The following UCHL5 variants were observed in gnomAD, a reference collection of about 807,000 sequenced individuals.
UCHL5 encodes ubiquitin carboxyl-terminal hydrolase isozyme L5.
A neutral mutation model predicts 53.8 loss-of-function variants in UCHL5; 34 were observed. That is an observed-to-expected ratio of 0.63 (90% CI 0.48 to 0.84). The LOEUF (loss-of-function observed/expected upper bound fraction) is 0.84. UCHL5 is among the 40% of genes least tolerant of loss of function. UCHL5 has a pLI of 0.00. For synonymous variants in UCHL5, 111 were observed against 126.3 expected, an observed-to-expected ratio of 0.88 and a Z score of 0.81; for missense variants, 290 against 385.6, an observed-to-expected ratio of 0.75 and a Z score of 2.08.
chr1:193,040,714 TAATAATAGCCAA>T (rs1208189301), intron 3 of UCHL5, among the ~76,000 whole-genome samples: 3 of 152,076 alleles, frequency 2.0e-5, no homozygotes, highest in Non-Finnish European at 2.9e-5. Flanking sequence ...ATGGCACTAT[TAATAATAGCCAA>T]AATATATAAT....
chr1:193,034,732 AG>A (rs1662744920), intron 3 of UCHL5, among the ~76,000 whole-genome samples: 1 of 152,154 alleles, frequency 6.6e-6, no homozygotes, highest in African/African-American at 2.4e-5. Context: ...GTGCATAAAA[AG>A]AGAATACACC....
chr1:193,049,123 C>T (rs1025074819), intron 3 of UCHL5, among the ~76,000 whole-genome samples: 7 of 152,110 alleles, frequency 4.6e-5, no homozygotes, highest in Non-Finnish European at 1.0e-4. Flanking sequence ...TGTCAAATTC[C>T]TGGGCTCAGC....
In UCHL5 at chr1:193,059,213, C is replaced by A. The variant is rs1193305414; in HGVS notation, c.48G>T (p.Gly16=). Residue 16 remains glycine, a synonymous_variant, in exon 1 of 11, where the codon GGG becomes GGT. Transcript: ENST00000367454. This position sits in a 1 kb window ranked among gnomAD's most constrained non-coding sequence, Gnocchi z 4.9. The stretch of plus-strand genomic sequence containing the variant: ...ATCCTTTAATGAGCTCGGTGAAGAC[C>A]CCGGGGTCGCTTTCCATGAGGCACC... ...GEWCLMESDP[G]VFTELIKGFG... 1 of 1,613,840 alleles carries A rather than the reference C, an allele frequency of 6.2e-7. No homozygotes were observed. Among genetic ancestry groups the A allele is most frequent in the Admixed American group, 1.7e-5 (1 of 59,978 alleles).
intron 10 of UCHL5, chr1:193,019,940 A>C (rs1656312629): frequency 1.0e-6 from 1 of 979,198 alleles, no homozygotes; most frequent in Admixed American, 6.2e-5. Context: ...TAATATTTTT[A>C]ACAGAAAAAC....
rs1571485827 is a variant in UCHL5, at chr1:193,022,663, C to T, written c.843+263G>A. Among the ~76,000 whole-genome samples, 27 of 120,294 alleles carry T rather than the reference C, an allele frequency of 2.2e-4. No individual in the cohort carries two copies. In the South Asian group the frequency reaches 6.9e-3, roughly 31 times the overall value. 78.9% of individuals were successfully genotyped at this position (120,294 alleles called of 152,430 possible). A position where few individuals can be genotyped will look rare whatever the true frequency, so the allele number is the denominator to read the frequency against. On this transcript the variant is annotated intron_variant, in intron 9 of 10. Transcript: ENST00000367454. ...CCTTGGCGACAGAGCGAGACTCTGT[C>T]CAAAAAAAAAAAAAAAAAAGGAATA...
intron 8 of UCHL5, among the ~76,000 whole-genome samples, chr1:193,023,585 ACTC>A (rs979952826): frequency 5.3e-5 from 8 of 152,064 alleles, no homozygotes; most frequent in African/African-American, 1.4e-4. Context: ...TACTTCATTT[ACTC>A]CTCATGACAA....
rs1228983394 is a variant in UCHL5 at position 193,021,167 on chromosome 1, T to G, written c.872A>C (p.Tyr291Ser). The change falls in exon 10 of 11, where the codon TAT becomes TCT. Residue 291 changes from tyrosine (Y) to serine (S), a missense_variant. Physicochemically the swap from Tyr to Ser is moderately radical, Grantham distance 144 (BLOSUM62 -2). Transcript: ENST00000367454. ...KIENIRRKHN[Y>S]LPFIMELLKT... The stretch of plus-strand genomic sequence containing the variant: ...TAACAATTCCATAATGAAAGGCAGA[T>G]AATTATGCTTCCTTCTGATATTCTC... The G allele has an allele frequency of 6.2e-7, 1 of 1,609,212 alleles. No individual in the cohort carries two copies. The highest frequency in any genetic ancestry group is 1.7e-5 in the Admixed American group (1 of 59,868).
Position 193,016,124 on chromosome 1 carries a change from G to C in UCHL5, c.*227C>G. The C allele has an allele frequency of 2.2e-6, 1 of 451,224 alleles. No individual in the cohort carries two copies. Among genetic ancestry groups the C allele is most frequent in the Non-Finnish European group, 3.9e-6 (1 of 255,052 alleles). The allele number at this position is 451,224 out of a possible 1,614,324, so 28.0% of individuals were successfully genotyped here. ...TTGTCAGACTCAATGTCAAATAATG[G>C]AATTTGGGAAAGCATTCTTAATATC... On this transcript the variant is annotated 3_prime_UTR_variant, in exon 11 of 11. Transcript: ENST00000367454.
Position 193,021,087 on chromosome 1 carries a change from A to G in UCHL5, c.942+10T>C. The G allele has an allele frequency of 1.3e-6, 2 of 1,566,752 alleles. No homozygotes were observed. The highest frequency in any genetic ancestry group is 1.1e-5 in the South Asian group (1 of 89,022). On this transcript the variant is annotated intron_variant, in intron 10 of 10. Transcript: ENST00000367454. The stretch of plus-strand genomic sequence containing the variant: ...AACTTAATTTAAGTATCTACCAATA[A>G]AATACTTACCTTTTCTACTAGTGGT...
chr1:193,050,422 A>G (rs1200722340), intron 2 of UCHL5, among the ~76,000 whole-genome samples: 1 of 151,942 alleles, frequency 6.6e-6, no homozygotes, highest in Non-Finnish European at 1.5e-5. Context: ...ACTGCCTCCC[A>G]CCCCACAAAA....
At chr1:193,033,237 T>A (rs1274233480) in intron 3 of UCHL5, among the ~76,000 whole-genome samples, 1 of 152,074 alleles carries the variant, frequency 6.6e-6, no homozygotes, top group African/African-American at 2.4e-5. Flanking sequence ...AGGACATGGA[T>A]GAAACTGGAA....
chr1:193,020,480 TATTTTAAA>T (rs1557997708), intron 10 of UCHL5: 21 of 1,522,410 alleles, frequency 1.4e-5, no homozygotes, highest in Non-Finnish European at 1.9e-5. Context: ...AGGTAACATG[TATTTTAAA>T]GAGTATCCAC....
rs951887944 is a variant in UCHL5, at chr1:193,015,495, G to A, written c.*856C>T. ...GGCTCTTGAAAACTGCAGGCTGTAC[G>A]AAATTTATTCAAATTGGCATAGAAA... On this transcript the variant is annotated 3_prime_UTR_variant, in exon 11 of 11. Coordinates refer to ENST00000367454, the MANE Select transcript of UCHL5 (RefSeq NM_001199261.3). The A allele has an allele frequency of 5.9e-5, 9 of 151,914 alleles. No homozygotes were observed. Among genetic ancestry groups the A allele is most frequent in the South Asian group, 2.1e-4 (1 of 4,832 alleles). The allele number at this position is 151,914 out of a possible 1,614,324, so 9.4% of individuals were successfully genotyped here. A position where few individuals can be genotyped will look rare whatever the true frequency, so the allele number is the denominator to read the frequency against.
At position 193,059,093 on chromosome 1, in the gene UCHL5, G is replaced by A. The variant is rs1378672930; in HGVS notation, c.76+92C>T. On this transcript the variant is annotated intron_variant, in intron 1 of 10. Transcript: ENST00000367454. The surrounding 1 kb of genome is among the most constrained non-coding windows in gnomAD (Gnocchi z 4.9). Reference sequence around the variant, plus strand: ...GGTTCCTGAAGTCACCTCTCCAGACGCGGGGCGGCGGTGGCCGCAGGGAAC... The same window carrying A: ...GGTTCCTGAAGTCACCTCTCCAGACACGGGGCGGCGGTGGCCGCAGGGAAC... The A allele has an allele frequency of 4.5e-6, 6 of 1,339,570 alleles. No homozygotes were observed. Among genetic ancestry groups the A allele is most frequent in the Non-Finnish European group, 6.0e-6 (6 of 1,002,060 alleles). The allele number at this position is 1,339,570 out of a possible 1,614,324, so 83.0% of individuals were successfully genotyped here. A position where few individuals can be genotyped will look rare whatever the true frequency, so the allele number is the denominator to read the frequency against.
intron 3 of UCHL5, among the ~76,000 whole-genome samples, chr1:193,039,494 G>A (rs1664794550): frequency 6.6e-6 from 1 of 152,126 alleles, no homozygotes; most frequent in Non-Finnish European, 1.5e-5. Context: ...ATAAAGCACT[G>A]ATGAAGAGTT....
intron 3 of UCHL5, among the ~76,000 whole-genome samples, chr1:193,044,251 GA>G (rs1454467355): frequency 2.0e-5 from 3 of 152,118 alleles, no homozygotes. Flanking sequence ...TTGAGGGCAG[GA>G]ATCATGGCAC....
intron 3 of UCHL5, among the ~76,000 whole-genome samples, chr1:193,047,900 TA>T (rs1474290040): frequency 6.6e-6 from 1 of 152,188 alleles, no homozygotes; most frequent in South Asian, 2.1e-4. Flanking sequence ...ATAAGAGTTT[TA>T]AAAAAAGAAA....
rs995345154 is a variant in UCHL5, at chr1:193,012,746, A to G, written c.*3605T>C. On this transcript the variant is annotated 3_prime_UTR_variant, in exon 11 of 11. Coordinates refer to ENST00000367454, the MANE Select transcript of UCHL5 (RefSeq NM_001199261.3). ...ACTACTATTTGAAAAGTTGTATTACATACTTATTATCTGTCTCACCATGAG... is the reference window on the plus strand; with the variant it reads ...ACTACTATTTGAAAAGTTGTATTACGTACTTATTATCTGTCTCACCATGAG... The G allele has an allele frequency of 6.6e-6, 1 of 152,128 alleles. No individual in the cohort carries two copies. Among genetic ancestry groups the G allele is most frequent in the African/African-American group, 2.4e-5 (1 of 41,416 alleles). The allele number at this position is 152,128 out of a possible 1,614,324, so 9.4% of individuals were successfully genotyped here.
At chr1:193,019,875 T>C in intron 10 of UCHL5, 2 of 961,518 alleles carry the variant, frequency 2.1e-6, no homozygotes, top group Non-Finnish European at 2.5e-6. Flanking sequence ...CCTAGTAACA[T>C]TTATCTAACT....
Sources: gnomAD v4.1 joint callset for allele counts (sites outside exome capture counted in the v4.1 genomes callset) on GRCh38, gnomAD v4.1.1 for gene constraint, Gnocchi (gnomAD v3.1) non-coding constraint, MANE v1.5 for transcripts, NCBI Gene and HGNC (gene_info 2026-07-23, HGNC 2026-07-21) for gene names.